AMOTL1: variants seen among roughly 807,000 people sequenced by gnomAD.
The protein encoded by AMOTL1 is angiomotin like 1, also known as angiomotin-like protein 1.
A neutral mutation model predicts 102.9 loss-of-function variants in AMOTL1; 45 were observed. That is an observed-to-expected ratio of 0.44 (90% CI 0.34 to 0.56). AMOTL1 has a LOEUF of 0.56. Ranked by LOEUF, AMOTL1 falls within the 20% of genes least tolerant of loss-of-function variation. The pLI is 0.01. For synonymous variants in AMOTL1, 481 were observed against 484.7 expected, an observed-to-expected ratio of 0.99 and a Z score of 0.10; for missense variants, 1,114 against 1,225.6, an observed-to-expected ratio of 0.91 and a Z score of 1.36.
At chr11:94,752,262 C>G (rs1370145487) in intron 3 of AMOTL1, among the ~76,000 whole-genome samples, 1 of 152,144 alleles carries the variant, frequency 6.6e-6, no homozygotes, top group Admixed American at 6.5e-5. Flanking sequence ...TTGCACCCTC[C>G]TCAGCCCCCA....
rs565599461 is a variant in AMOTL1 at position 94,772,183 on chromosome 11, C to G, written c.49+3623C>G. On this transcript the variant is annotated intron_variant, in intron 1 of 12. Coordinates refer to ENST00000433060, the MANE Select transcript of AMOTL1 (RefSeq NM_130847.3). ...ACCAGGAAATTGACATTGGTACAGT[C>G]CACAGAGCATATTCAGATTTCACCA... 3.3e-5 allele frequency among the ~76,000 whole-genome samples: 5 copies of G among 152,232 alleles called. No individual in the cohort carries two copies. The South Asian group carries it at 1.0e-3, about 32-fold the overall frequency.
At chr11:94,839,689 A>G (rs897534149) in intron 6 of AMOTL1, among the ~76,000 whole-genome samples, 1 of 152,224 alleles carries the variant, frequency 6.6e-6, no homozygotes, top group Non-Finnish European at 1.5e-5. Flanking sequence ...TGGCTAAACC[A>G]CAACTAGAAT....
At chr11:94,710,666 T>C (rs1950009819) in intron 1 of AMOTL1, among the ~76,000 whole-genome samples, 1 of 152,202 alleles carries the variant, frequency 6.6e-6, no homozygotes, top group Admixed American at 6.5e-5. Flanking sequence ...TGGTCATCAC[T>C]CTACAGGTGC....
chr11:94,811,971 A>T (rs1235882824), intron 3 of AMOTL1, among the ~76,000 whole-genome samples: 2 of 152,160 alleles, frequency 1.3e-5, no homozygotes, highest in Admixed American at 6.5e-5. Flanking sequence ...ATGCAGAAAA[A>T]CTTGTCTTCC....
At chr11:94,726,235 T>C (rs1950255986) in intron 1 of AMOTL1, among the ~76,000 whole-genome samples, 1 of 152,174 alleles carries the variant, frequency 6.6e-6, no homozygotes, top group Admixed American at 6.5e-5. Context: ...TTAAACCTTC[T>C]TAAATCCAAA....
intron 1 of AMOTL1, among the ~76,000 whole-genome samples, chr11:94,708,579 C>T (rs1048174306): frequency 2.6e-5 from 4 of 152,106 alleles, no homozygotes; most frequent in Admixed American, 2.0e-4. Context: ...GGCTCTAAAA[C>T]ATAGCAATTA....
chr11:94,844,544 G>C (rs1455118113), intron 6 of AMOTL1, among the ~76,000 whole-genome samples: 1 of 152,252 alleles, frequency 6.6e-6, no homozygotes, highest in Non-Finnish European at 1.5e-5. Flanking sequence ...AGAGCATGGT[G>C]CTGGCACCTA....
intron 3 of AMOTL1, 116 bp downstream of exon 3, chr11:94,800,427 C>T: frequency 1.7e-6 from 2 of 1,191,478 alleles, no homozygotes; most frequent in Non-Finnish European, 2.3e-6. Flanking sequence ...TTTCCTTATG[C>T]ATGATATTTA....
At chr11:94,869,541 G>T in intron 12 of AMOTL1, 68 bp downstream of exon 12, 4 of 1,483,990 alleles carry the variant, frequency 2.7e-6, no homozygotes, top group Non-Finnish European at 3.6e-6. Context: ...AGAATCTTTT[G>T]TTGAGCTAGA....
chr11:94,800,065 G>A lies in AMOTL1; in HGVS notation c.875G>A (p.Gly292Glu), dbSNP rs909944278. 2.5e-6 allele frequency: 4 copies of A among 1,613,980 alleles called. No homozygotes were observed. Among genetic ancestry groups the A allele is most frequent in the Non-Finnish European group, 3.4e-6 (4 of 1,179,868 alleles). Residue 292 changes from glycine (G) to glutamate (E), a missense_variant, in exon 3 of 13, where the codon GGG (glycine) becomes GAG (glutamate). By Grantham distance (98) the Gly-to-Glu change is moderately conservative. Transcript: ENST00000433060. Reference protein sequence around the residue: ...SGNGKGFKVGGGPSPAQPAGK... With the variant: ...SGNGKGFKVGEGPSPAQPAGK... The stretch of plus-strand genomic sequence containing the variant: ...AATGGAAAGGGCTTCAAAGTAGGAG[G>A]GGGGCCCTCCCCTGCCCAGCCTGCA...
chr11:94,785,045 G>A (rs1054746038), intron 1 of AMOTL1, among the ~76,000 whole-genome samples: 1 of 152,150 alleles, frequency 6.6e-6, no homozygotes, highest in African/African-American at 2.4e-5. Context: ...TTCATCAATT[G>A]TCTTGGTGTT....
At chr11:94,761,118 T>G (rs372373467) in intron 3 of AMOTL1, among the ~76,000 whole-genome samples, 1 of 152,054 alleles carries the variant, frequency 6.6e-6, no homozygotes, top group Non-Finnish European at 1.5e-5. Context: ...TCTCACATAC[T>G]TTGCCTTCTT....
chr11:94,843,716 T>C (rs755818148), intron 6 of AMOTL1, among the ~76,000 whole-genome samples: 15 of 152,176 alleles, frequency 9.9e-5, no homozygotes, highest in Non-Finnish European at 2.9e-5. Context: ...ATGTGGCAGA[T>C]AATTATTTGG....
intron 2 of AMOTL1, among the ~76,000 whole-genome samples, chr11:94,733,091 A>T (rs530534000): frequency 3.9e-5 from 6 of 152,238 alleles, no homozygotes; most frequent in Non-Finnish European, 8.8e-5. Context: ...TGCAGATGAG[A>T]AAACTGAGTC....
At chr11:94,810,815 G>A (rs1464207039) in intron 3 of AMOTL1, among the ~76,000 whole-genome samples, 2 of 137,230 alleles carry the variant, frequency 1.5e-5, no homozygotes, top group African/African-American at 5.6e-5. Flanking sequence ...AAAGATCCTA[G>A]GAGAGAAAAA....
intron 3 of AMOTL1, among the ~76,000 whole-genome samples, chr11:94,801,650 T>C (rs1427905748): frequency 6.6e-6 from 1 of 151,910 alleles, no homozygotes; most frequent in African/African-American, 2.4e-5. Context: ...AGAGGAGCAT[T>C]ATGTGCTAAG....
At chr11:94,849,270 A>G (rs556097376) in intron 6 of AMOTL1, among the ~76,000 whole-genome samples, 35 of 152,274 alleles carry the variant, frequency 2.3e-4, no homozygotes, top group African/African-American at 5.3e-4. Context: ...TGTTTGTTCA[A>G]TTTTCCATAT....
chr11:94,856,786 G>T (rs1952675658), intron 8 of AMOTL1, among the ~76,000 whole-genome samples: 2 of 152,176 alleles, frequency 1.3e-5, no homozygotes, highest in South Asian at 4.1e-4. Flanking sequence ...CAACCGCATG[G>T]ACTCACCACT....
intron 6 of AMOTL1, among the ~76,000 whole-genome samples, chr11:94,845,047 A>G (rs549482557): frequency 6.6e-6 from 1 of 152,356 alleles, no homozygotes; most frequent in South Asian, 2.1e-4. Context: ...AGCACTGAAT[A>G]TGAAGCTGTA....
Sources: allele counts gnomAD v4.1 joint callset (sites outside exome capture counted in the v4.1 genomes callset), GRCh38; gene constraint gnomAD v4.1.1; transcripts MANE v1.5; gene names NCBI Gene and HGNC (gene_info 2026-07-23, HGNC 2026-07-21).